The following MANEA variants were observed in gnomAD, a reference collection of about 807,000 sequenced individuals.
MANEA encodes glycoprotein endo-alpha-1,2-mannosidase.
Under a neutral mutation model 36.8 loss-of-function variants are expected in MANEA, and 25 were observed. That is an observed-to-expected ratio of 0.68 (90% CI 0.50 to 0.95). The LOEUF (loss-of-function observed/expected upper bound fraction) is 0.95. Among genes scored for constraint, MANEA ranks in the 40% least tolerant of loss-of-function variants. The pLI, the probability that MANEA is intolerant of heterozygous loss-of-function variation, is 0.00. For synonymous variants in MANEA, 198 were observed against 188.5 expected, an observed-to-expected ratio of 1.05 and a Z score of -0.41; for missense variants, 565 against 558.8, an observed-to-expected ratio of 1.01 and a Z score of -0.11.
rs943072459 is a variant in MANEA at position 95,609,443 on chromosome 6, A to G, written c.*3038A>G. 1.3e-5 allele frequency: 2 copies of G among 151,748 alleles called. No homozygotes were observed. Among genetic ancestry groups the G allele is most frequent in the African/African-American group, 4.8e-5 (2 of 41,438 alleles). The allele number at this position is 151,748 out of a possible 1,614,324, so 9.4% of individuals were successfully genotyped here. A position where few individuals can be genotyped will look rare whatever the true frequency, so the allele number is the denominator to read the frequency against. On this transcript the variant is annotated 3_prime_UTR_variant, in exon 5 of 5. Transcript: ENST00000358812. ...TTTACCTAATAAAAACATAGATGAAATACATTGTATTTTAGATATTAAAGT... is the reference window on the plus strand; with the variant it reads ...TTTACCTAATAAAAACATAGATGAAGTACATTGTATTTTAGATATTAAAGT...
chr6:95,588,681 A>G (rs1175306292), intron 2 of MANEA, among the ~76,000 whole-genome samples: 1 of 152,014 alleles, frequency 6.6e-6, no homozygotes, highest in African/African-American at 2.4e-5. Context: ...GACAGAGGAA[A>G]TGGTTGTTCT....
In MANEA at chr6:95,606,459, T is replaced by C. The variant is rs1234586281; in HGVS notation, c.*54T>C. On this transcript the variant is annotated 3_prime_UTR_variant, in exon 5 of 5. Coordinates refer to ENST00000358812, the MANE Select transcript of MANEA (RefSeq NM_024641.4). ...AAATCACCTAATTTTTAAAAATAGC[T>C]TTCGTTTTGAGTTCTGGAAAGAAAA... 2 of 1,366,336 alleles carry C rather than the reference T, an allele frequency of 1.5e-6. No homozygotes were observed. Among genetic ancestry groups the C allele is most frequent in the African/African-American group, 1.5e-5 (1 of 68,476 alleles). 84.6% of individuals were successfully genotyped at this position (1,366,336 alleles called of 1,614,324 possible).
At chr6:95,594,271 T>G (rs995646249) in intron 2 of MANEA, among the ~76,000 whole-genome samples, 1 of 152,186 alleles carries the variant, frequency 6.6e-6, no homozygotes, top group Non-Finnish European at 1.5e-5. Context: ...AATCTGTGTT[T>G]TGATGGTGAG....
chr6:95,605,989 G>T lies in MANEA; in HGVS notation c.973G>T (p.Ala325Ser). 6.2e-7 allele frequency: 1 copy of T among 1,613,922 alleles called. No individual in the cohort carries two copies. Among genetic ancestry groups the T allele is most frequent in the Middle Eastern group, 1.6e-4 (1 of 6,062 alleles). Residue 325 changes from alanine (A) to serine (S), a missense_variant, in exon 5 of 5, where the codon GCC becomes TCC. Ala to Ser is a moderately conservative substitution (Grantham distance 99). Transcript: ENST00000358812. ...SGFDGIYTYFATNGFTYGSSH... is the reference protein window; with the variant it reads ...SGFDGIYTYFSTNGFTYGSSH... ...TTTTGATGGAATTTACACATATTTTGCCACAAATGGCTTTACTTATGGCTC... is the reference window on the plus strand; with the variant it reads ...TTTTGATGGAATTTACACATATTTTTCCACAAATGGCTTTACTTATGGCTC...
chr6:95,580,130 G>A (rs574535740), intron 1 of MANEA, among the ~76,000 whole-genome samples: 5 of 151,862 alleles, frequency 3.3e-5, no homozygotes, highest in African/African-American at 7.2e-5. Flanking sequence ...GGATCTTTAC[G>A]ATTCTTTATA....
intron 1 of MANEA, among the ~76,000 whole-genome samples, chr6:95,582,173 CTTTTTTTTTTTTT>C (rs67978183): frequency 3.4e-4 from 27 of 79,362 alleles, no homozygotes; most frequent in Admixed American, 6.8e-4. Flanking sequence ...GTTGTATCAT[CTTTTTTTTTTTTT>C]TTTTTTTTTT....
chr6:95,585,543 G>A (rs764925466), intron 1 of MANEA, among the ~76,000 whole-genome samples: 1 of 152,146 alleles, frequency 6.6e-6, no homozygotes, highest in Non-Finnish European at 1.5e-5. Flanking sequence ...TCAAACTGCT[G>A]AACTCAAGTG....
chr6:95,595,948 C>G (rs73757407), intron 2 of MANEA, among the ~76,000 whole-genome samples: 2 of 152,024 alleles, frequency 1.3e-5, no homozygotes, highest in Non-Finnish European at 2.9e-5. Flanking sequence ...TTGGAAGCAA[C>G]CAAGATGTCC....
chr6:95,605,781 G>A lies in MANEA; in HGVS notation c.765G>A (p.Lys255=), dbSNP rs1287926177. 13 of 1,613,048 alleles carry A rather than the reference G, an allele frequency of 8.1e-6. No homozygotes were observed. Among genetic ancestry groups the A allele is most frequent in the South Asian group, 1.1e-5 (1 of 91,032 alleles). Residue 255 remains lysine, a synonymous_variant, in exon 5 of 5, where the codon AAG becomes AAA. Transcript: ENST00000358812. Reference sequence around the variant, plus strand: ...ATCATCCGGCCTTTTACAGGTACAAGACGAAGACTGGCAATGCTCTTCCTA... The same window carrying A: ...ATCATCCGGCCTTTTACAGGTACAAAACGAAGACTGGCAATGCTCTTCCTA... The part of the protein sequence containing the change: ...YGNHPAFYRY[K]TKTGNALPMF...
chr6:95,605,706 T>C, intron 4 of MANEA, 42 bp from the exon 5 acceptor site: 2 of 1,472,630 alleles, frequency 1.4e-6, no homozygotes, highest in Non-Finnish European at 1.9e-6. Flanking sequence ...GGCAAATTAG[T>C]TGTGAATATT....
intron 1 of MANEA, among the ~76,000 whole-genome samples, chr6:95,578,947 C>A (rs1452274994): frequency 6.6e-6 from 1 of 152,220 alleles, no homozygotes; most frequent in Non-Finnish European, 1.5e-5. Context: ...AACTTGAGTT[C>A]TTGAGCCAGA....
intron 1 of MANEA, among the ~76,000 whole-genome samples, chr6:95,578,968 T>C (rs1346015336): frequency 6.6e-6 from 1 of 152,206 alleles, no homozygotes; most frequent in African/African-American, 2.4e-5. Context: ...CTCGATCTGC[T>C]CCTTGCTAGG....
intron 2 of MANEA, among the ~76,000 whole-genome samples, chr6:95,590,946 G>T (rs1263917319): frequency 6.6e-6 from 1 of 152,136 alleles, no homozygotes; most frequent in East Asian, 1.9e-4. Flanking sequence ...ATATATTTTT[G>T]ATTTTGTGAG....
chr6:95,586,683 A>G lies in MANEA; in HGVS notation c.244A>G (p.Thr82Ala). The change falls in exon 2 of 5, where the codon ACT (threonine) becomes GCT (alanine). Residue 82 changes from threonine to alanine, a missense_variant. Physicochemically the swap from Thr to Ala is moderately conservative, Grantham distance 58. Coordinates refer to ENST00000358812, the MANE Select transcript of MANEA (RefSeq NM_024641.4). ...CAAGAATTTAAAAAGTGTTGAAATC[A>G]CTATGAAACCTTCCAAAGCCTCTGA... ...NTKNLKSVEITMKPSKASELN... is the reference protein window; with the variant it reads ...NTKNLKSVEIAMKPSKASELN... The G allele has an allele frequency of 6.2e-7, 1 of 1,614,068 alleles. No individual in the cohort carries two copies. The highest frequency in any genetic ancestry group is 1.1e-5 in the South Asian group (1 of 91,084).
chr6:95,594,398 A>G (rs1330857372), intron 2 of MANEA, among the ~76,000 whole-genome samples: 3 of 152,198 alleles, frequency 2.0e-5, no homozygotes, highest in Non-Finnish European at 4.4e-5. Context: ...CCTCTCACAA[A>G]AAGAAATAGA....
chr6:95,597,663 A>AT (rs1485439489), intron 3 of MANEA, among the ~76,000 whole-genome samples: 4 of 152,074 alleles, frequency 2.6e-5, no homozygotes, highest in Non-Finnish European at 5.9e-5. Context: ...AATTATTAAA[A>AT]TTTTAATAAC....
In MANEA at chr6:95,596,793, A is replaced by T; in HGVS notation, c.601A>T (p.Thr201Ser). ...PDVNDENGEP[T>S]DNLVPTILDK... ...TGTAAATGATGAAAATGGAGAACCTACTGATAACTTGGTACCCACTATTTT... is the reference window on the plus strand; with the variant it reads ...TGTAAATGATGAAAATGGAGAACCTTCTGATAACTTGGTACCCACTATTTT... Residue 201 changes from threonine (T) to serine (S), a missense_variant, in exon 3 of 5, where the codon ACT (threonine) becomes TCT (serine). By Grantham distance (58) the Thr-to-Ser change is moderately conservative. Coordinates refer to ENST00000358812, the MANE Select transcript of MANEA (RefSeq NM_024641.4). The T allele has an allele frequency of 6.2e-7, 1 of 1,608,766 alleles. No individual in the cohort carries two copies. Among genetic ancestry groups the T allele is most frequent in the Non-Finnish European group, 8.5e-7 (1 of 1,175,498 alleles).
Position 95,605,778 on chromosome 6 carries a change from C to T in MANEA, c.762C>T (p.Tyr254=). 6.2e-7 allele frequency: 1 copy of T among 1,612,912 alleles called. No homozygotes were observed. Among genetic ancestry groups the T allele is most frequent in the Non-Finnish European group, 8.5e-7 (1 of 1,179,128 alleles). ...KYGNHPAFYR[Y]KTKTGNALPM... is the part of the protein sequence containing the mutation. ...GAAATCATCCGGCCTTTTACAGGTA[C>T]AAGACGAAGACTGGCAATGCTCTTC... is the stretch of plus-strand genomic sequence containing the variant. Residue 254 remains tyrosine, a synonymous_variant, in exon 5 of 5, where the codon TAC becomes TAT. Transcript: ENST00000358812.
At chr6:95,594,159 CAG>C (rs916104238) in intron 2 of MANEA, among the ~76,000 whole-genome samples, 3 of 151,772 alleles carry the variant, frequency 2.0e-5, no homozygotes, top group Non-Finnish European at 4.4e-5. Context: ...AGGGAAAAAA[CAG>C]AGAATGTTGT....
Sources: gnomAD v4.1 joint callset for allele counts (sites outside exome capture counted in the v4.1 genomes callset) on GRCh38, gnomAD v4.1.1 for gene constraint, MANE v1.5 for transcripts, NCBI Gene and HGNC (gene_info 2026-07-23, HGNC 2026-07-21) for gene names.